The following PAPSS1 variants were observed in gnomAD, a reference collection of about 807,000 sequenced individuals.
The protein encoded by PAPSS1 is bifunctional 3'-phosphoadenosine 5'-phosphosulfate synthase 1.
A neutral mutation model predicts 72.0 loss-of-function variants in PAPSS1; 50 were observed. The observed-to-expected ratio is 0.69, with a 90% CI of 0.55 to 0.88. The LOEUF is 0.88. Among genes scored for constraint, PAPSS1 ranks in the 40% least tolerant of loss-of-function variants. PAPSS1 has a pLI of 0.00. For missense variants in PAPSS1, 657 were observed against 782.2 expected (o/e 0.84, Z 1.91); for synonymous variants, 261 against 263.6 (o/e 0.99, Z 0.09).
chr4:107,619,924 A>G (rs1725913364), intron 11 of PAPSS1, among the ~76,000 whole-genome samples: 1 of 152,240 alleles, frequency 6.6e-6, no homozygotes, highest in Non-Finnish European at 1.5e-5. Context: ...GAAACCCTTC[A>G]TAACATACTA....
At chr4:107,683,803 A>G (rs1722697891) in intron 4 of PAPSS1, among the ~76,000 whole-genome samples, 1 of 152,134 alleles carries the variant, frequency 6.6e-6, no homozygotes, top group African/African-American at 2.4e-5. Context: ...AATATACACA[A>G]TCTTGTCTGT....
intron 2 of PAPSS1, among the ~76,000 whole-genome samples, chr4:107,696,497 C>T (rs948422697): frequency 1.1e-4 from 17 of 152,086 alleles, no homozygotes; most frequent in Admixed American, 9.8e-4. Context: ...ACTGCATGTT[C>T]TCTCTCATAA....
chr4:107,697,543 TCATA>T (rs1647086256), intron 2 of PAPSS1, among the ~76,000 whole-genome samples: 1 of 152,208 alleles, frequency 6.6e-6, no homozygotes, highest in Admixed American at 6.5e-5. Flanking sequence ...AAGTGTCTGT[TCATA>T]CATACATGTG....
At chr4:107,629,459 T>G (rs747358494) in intron 11 of PAPSS1, among the ~76,000 whole-genome samples, 7 of 152,218 alleles carry the variant, frequency 4.6e-5, no homozygotes, top group Non-Finnish European at 8.8e-5. Context: ...TTGGTTTGGC[T>G]TACACGATTC....
At chr4:107,715,784 A>C (rs1272013869) in intron 1 of PAPSS1, among the ~76,000 whole-genome samples, 2 of 152,270 alleles carry the variant, frequency 1.3e-5, no homozygotes, top group African/African-American at 4.8e-5. Flanking sequence ...ATAAATAATT[A>C]GAACAAGAAT....
chr4:107,711,252 T>C (rs1019803219), intron 1 of PAPSS1, among the ~76,000 whole-genome samples: 6 of 152,250 alleles, frequency 3.9e-5, no homozygotes, highest in Non-Finnish European at 7.3e-5. Context: ...CATTTAGAAC[T>C]AAATGACTAA....
chr4:107,693,825 C>G lies in PAPSS1; in HGVS notation c.357G>C (p.Leu119=). Reference sequence around the variant, plus strand: ...TGCACACTAAGCCAGCATCTGCAAACAGTTTAGCAACTTCTGCGATGCGTC... The same window carrying G: ...TGCACACTAAGCCAGCATCTGCAAAGAGTTTAGCAACTTCTGCGATGCGTC... ...NVRRIAEVAK[L]FADAGLVCIT... is the part of the protein sequence containing the mutation. Residue 119 remains leucine, a synonymous_variant, in exon 3 of 12, where the codon CTG becomes CTC. Transcript: ENST00000265174. 6.2e-7 allele frequency: 1 copy of G among 1,613,926 alleles called. No homozygotes were observed. The highest frequency in any genetic ancestry group is 1.1e-5 in the South Asian group (1 of 91,082).
At chr4:107,680,494 G>A (rs186988524) in intron 5 of PAPSS1, among the ~76,000 whole-genome samples, 8 of 152,288 alleles carry the variant, frequency 5.3e-5, no homozygotes, top group Admixed American at 2.0e-4. Context: ...ACAAACAGAT[G>A]AGAAAGCCCC....
intron 5 of PAPSS1, among the ~76,000 whole-genome samples, chr4:107,671,117 G>C (rs1727455978): frequency 6.6e-6 from 1 of 152,046 alleles, no homozygotes; most frequent in Non-Finnish European, 1.5e-5. Context: ...AATACCACAG[G>C]AATCTGTATT....
chr4:107,669,334 CA>C (rs1419155004), intron 5 of PAPSS1, among the ~76,000 whole-genome samples: 1 of 152,078 alleles, frequency 6.6e-6, no homozygotes, highest in African/African-American at 2.4e-5. Flanking sequence ...GAAAAACAAC[CA>C]AAAGAAAATA....
At chr4:107,717,189 G>A (rs142925025) in intron 1 of PAPSS1, among the ~76,000 whole-genome samples, 2 of 151,998 alleles carry the variant, frequency 1.3e-5, no homozygotes, top group Admixed American at 6.6e-5. Context: ...GATATAGTAG[G>A]TTAAATATAT....
intron 9 of PAPSS1, among the ~76,000 whole-genome samples, chr4:107,652,220 T>G (rs1726859141): frequency 6.6e-6 from 1 of 152,200 alleles, no homozygotes; most frequent in African/African-American, 2.4e-5. Flanking sequence ...GCACCAGTGC[T>G]TAGGGCCAAA....
intron 3 of PAPSS1, among the ~76,000 whole-genome samples, chr4:107,692,825 AATG>A (rs1424021054): frequency 6.6e-6 from 1 of 152,032 alleles, no homozygotes; most frequent in Non-Finnish European, 1.5e-5. Context: ...CTAAAAAAGG[AATG>A]ATATCATGTC....
chr4:107,708,733 T>C (rs1578437547), intron 1 of PAPSS1, among the ~76,000 whole-genome samples: 2 of 152,204 alleles, frequency 1.3e-5, no homozygotes, highest in East Asian at 3.9e-4. Flanking sequence ...GCAGCAAACA[T>C]AGTACTCTGG....
At chr4:107,646,398 C>T (rs1194060937) in intron 9 of PAPSS1, among the ~76,000 whole-genome samples, 2 of 150,414 alleles carry the variant, frequency 1.3e-5, no homozygotes, top group Non-Finnish European at 3.0e-5. Context: ...TTTGTAGCAC[C>T]GTTGTTTGGT....
At chr4:107,658,967 A>G (rs1039204895) in intron 6 of PAPSS1, among the ~76,000 whole-genome samples, 8 of 152,224 alleles carry the variant, frequency 5.3e-5, no homozygotes, top group Admixed American at 3.3e-4. Context: ...ATTTAGAAAA[A>G]GCTACTGTCT....
chr4:107,671,018 G>T (rs1727454186), intron 5 of PAPSS1, among the ~76,000 whole-genome samples: 2 of 152,202 alleles, frequency 1.3e-5, no homozygotes, highest in African/African-American at 4.8e-5. Flanking sequence ...ATATGGGATA[G>T]TGTGATCCTA....
chr4:107,677,482 T>A (rs1578415823), intron 5 of PAPSS1, among the ~76,000 whole-genome samples: 1 of 152,008 alleles, frequency 6.6e-6, no homozygotes, highest in South Asian at 2.1e-4. Context: ...AAAACCACAA[T>A]GAGATACCAT....
chr4:107,614,303 A>G lies in PAPSS1; in HGVS notation c.1821T>C (p.Ala607=). 2 of 1,614,040 alleles carry G rather than the reference A, an allele frequency of 1.2e-6. No homozygotes were observed. Among genetic ancestry groups the G allele is most frequent in the Non-Finnish European group, 1.7e-6 (2 of 1,179,912 alleles). ...EGQKPPEGFM[A]PKAWTVLTEY... is the part of the protein sequence containing the mutation. ...CTGTCAGCACGGTCCAAGCCTTGGGAGCCATGAAACCTTCAGGTGGTTTCT... is the reference window on the plus strand; with the variant it reads ...CTGTCAGCACGGTCCAAGCCTTGGGGGCCATGAAACCTTCAGGTGGTTTCT... Residue 607 remains alanine, a synonymous_variant, in exon 12 of 12, where the codon GCT becomes GCC. Transcript: ENST00000265174.
Sources: gnomAD v4.1 joint callset for allele counts (sites outside exome capture counted in the v4.1 genomes callset) on GRCh38, gnomAD v4.1.1 for gene constraint, MANE v1.5 for transcripts, NCBI Gene and HGNC (gene_info 2026-07-23, HGNC 2026-07-21) for gene names.